The following CNTNAP2 variants were observed in gnomAD, a reference collection of about 807,000 sequenced individuals.
CNTNAP2 encodes the protein contactin-associated protein-like 2.
In CNTNAP2, 98 loss-of-function variants were observed where a neutral mutation model predicts 155.2. The ratio of observed to expected loss-of-function variants is 0.63; its 90% CI spans 0.54 to 0.75. CNTNAP2 has a LOEUF of 0.75. Ranked by LOEUF, CNTNAP2 falls within the 30% of genes least tolerant of loss-of-function variation. CNTNAP2 has a pLI of 0.00. For synonymous variants in CNTNAP2, 651 were observed against 631.2 expected, an observed-to-expected ratio of 1.03 and a Z score of -0.47; for missense variants, 1,727 against 1,688.1, an observed-to-expected ratio of 1.02 and a Z score of -0.40.
intron 11 of CNTNAP2, among the ~76,000 whole-genome samples, chr7:147,523,475 C>G (rs894877796): frequency 6.6e-6 from 1 of 152,190 alleles, no homozygotes; most frequent in South Asian, 2.1e-4. Flanking sequence ...GGCATGAATA[C>G]CAGGAGTTGG....
intron 14 of CNTNAP2, among the ~76,000 whole-genome samples, chr7:147,929,073 C>T (rs1185434989): frequency 2.0e-5 from 1 of 50,682 alleles, no homozygotes; most frequent in East Asian, 6.1e-4. Flanking sequence ...GCCGGGGCAA[C>T]AAGAACGAAA....
chr7:148,172,473 A>G lies in CNTNAP2; in HGVS notation c.3005A>G (p.Asn1002Ser). Residue 1002 changes from asparagine to serine, a missense_variant, in exon 18 of 24, where the codon AAC (asparagine) becomes AGC (serine). Transcript: ENST00000361727. ...SNTAYDGTFC[N>S]KDVGAFFEEG... ...ACTGCATATGATGGAACATTTTGCA[A>G]CAAAGGTAAGGTGGAACCCATTTCC... 8 of 1,614,046 alleles carry G rather than the reference A, an allele frequency of 5.0e-6. No homozygotes were observed. Among genetic ancestry groups the G allele is most frequent in the Non-Finnish European group, 6.8e-6 (8 of 1,179,896 alleles).
At chr7:147,876,947 T>C (rs1293601146) in intron 13 of CNTNAP2, among the ~76,000 whole-genome samples, 2 of 152,026 alleles carry the variant, frequency 1.3e-5, no homozygotes, top group Non-Finnish European at 2.9e-5. Context: ...TGTCGGGTGA[T>C]TTCAGGGAGT....
chr7:146,769,014 A>C (rs1420802760), intron 1 of CNTNAP2, among the ~76,000 whole-genome samples: 2 of 152,218 alleles, frequency 1.3e-5, no homozygotes, highest in Non-Finnish European at 2.9e-5. Flanking sequence ...CAGCTATTTC[A>C]TGTCTATTTG....
At chr7:146,387,514 T>C (rs1795477987) in intron 1 of CNTNAP2, among the ~76,000 whole-genome samples, 1 of 152,218 alleles carries the variant, frequency 6.6e-6, no homozygotes, top group Non-Finnish European at 1.5e-5. Context: ...TTTCTCATTT[T>C]GGTAGGACAA....
chr7:146,870,451 A>G (rs1480970835), intron 3 of CNTNAP2, among the ~76,000 whole-genome samples: 1 of 151,964 alleles, frequency 6.6e-6, no homozygotes, highest in Non-Finnish European at 1.5e-5. Context: ...TTCTCATCAT[A>G]TTTATTTGGT....
chr7:147,180,019 T>G (rs904544632), intron 8 of CNTNAP2, among the ~76,000 whole-genome samples: 1 of 152,030 alleles, frequency 6.6e-6, no homozygotes, highest in Non-Finnish European at 1.5e-5. Context: ...AAGCCAAACT[T>G]GATGAGTCAT....
intron 13 of CNTNAP2, among the ~76,000 whole-genome samples, chr7:147,648,245 G>A (rs962225407): frequency 6.6e-6 from 1 of 152,162 alleles, no homozygotes; most frequent in African/African-American, 2.4e-5. Context: ...TCCCAGGAGA[G>A]AAAGAAGAGT....
At chr7:147,199,242 G>T (rs149419965) in intron 8 of CNTNAP2, among the ~76,000 whole-genome samples, 6 of 151,952 alleles carry the variant, frequency 3.9e-5, no homozygotes, top group Non-Finnish European at 5.9e-5. Flanking sequence ...GATTACAGGC[G>T]TGAGCCACCG....
At chr7:147,124,056 AAAAC>A (rs769128819) in intron 6 of CNTNAP2, among the ~76,000 whole-genome samples, 8 of 152,238 alleles carry the variant, frequency 5.3e-5, no homozygotes, top group East Asian at 1.9e-4. Flanking sequence ...AACAAAACAA[AAAAC>A]AAACAAACAC....
chr7:146,549,624 T>C (rs1049392309), intron 1 of CNTNAP2, among the ~76,000 whole-genome samples: 9 of 152,014 alleles, frequency 5.9e-5, no homozygotes, highest in Admixed American at 5.3e-4. Context: ...TTAAAAACTA[T>C]TTTGAGTTTC....
chr7:147,062,265 A>G (rs966272204), intron 4 of CNTNAP2, among the ~76,000 whole-genome samples: 4 of 150,846 alleles, frequency 2.7e-5, no homozygotes, highest in African/African-American at 9.7e-5. Flanking sequence ...TAATATCAGT[A>G]TATTATTGTG....
At chr7:147,820,072 G>T (rs1440501860) in intron 13 of CNTNAP2, among the ~76,000 whole-genome samples, 1 of 152,066 alleles carries the variant, frequency 6.6e-6, no homozygotes, top group East Asian at 1.9e-4. Flanking sequence ...ATAAGAATCT[G>T]ATAATTTTCC....
intron 1 of CNTNAP2, among the ~76,000 whole-genome samples, chr7:146,573,474 G>C (rs1310296462): frequency 3.3e-5 from 5 of 152,050 alleles, no homozygotes; most frequent in Admixed American, 6.5e-5. Context: ...ATTGGACAAA[G>C]AACTCTGGAG....
At chr7:146,741,648 T>A (rs1563212310) in intron 1 of CNTNAP2, among the ~76,000 whole-genome samples, 1 of 152,126 alleles carries the variant, frequency 6.6e-6, no homozygotes, top group African/African-American at 2.4e-5. Context: ...GAAAATATTA[T>A]GAGCAACATG....
chr7:147,591,294 T>C (rs1800729900), intron 12 of CNTNAP2, among the ~76,000 whole-genome samples: 2 of 152,184 alleles, frequency 1.3e-5, no homozygotes, highest in Non-Finnish European at 2.9e-5. Flanking sequence ...TGTAGGTTTA[T>C]TTTTTTGTCT....
intron 9 of CNTNAP2, among the ~76,000 whole-genome samples, chr7:147,373,817 C>G (rs1271753519): frequency 6.6e-6 from 1 of 151,774 alleles, no homozygotes; most frequent in East Asian, 1.9e-4. Context: ...TGGCTTTCAT[C>G]TTGTAAATAG....
intron 10 of CNTNAP2, among the ~76,000 whole-genome samples, chr7:147,476,396 C>T (rs965354945): frequency 6.6e-5 from 10 of 151,826 alleles, no homozygotes; most frequent in East Asian, 2.0e-4. Flanking sequence ...TGAGCCACCG[C>T]GCCCACCTCT....
At chr7:147,253,453 T>C (rs2116664445) in intron 8 of CNTNAP2, among the ~76,000 whole-genome samples, 1 of 152,142 alleles carries the variant, frequency 6.6e-6, no homozygotes, top group South Asian at 2.1e-4. Context: ...TTGCTTCTTT[T>C]GTTTTATTGC....
Sources: allele counts gnomAD v4.1 joint callset (sites outside exome capture counted in the v4.1 genomes callset), GRCh38; gene constraint gnomAD v4.1.1; transcripts MANE v1.5; gene names NCBI Gene and HGNC (gene_info 2026-07-23, HGNC 2026-07-21).